The following FCHSD1 variants were observed in gnomAD, a reference collection of about 807,000 sequenced individuals.
FCHSD1 encodes the protein F-BAR and double SH3 domains protein 1.
Under a neutral mutation model 101.3 loss-of-function variants are expected in FCHSD1, and 109 were observed. That is an observed-to-expected ratio of 1.08 (90% CI 0.92 to 1.26). The LOEUF (loss-of-function observed/expected upper bound fraction) is 1.26, where lower values mean the gene tolerates loss of function less well. Among genes scored for constraint, FCHSD1 ranks in the 50% most tolerant of loss-of-function variants. The probability of loss-of-function intolerance (pLI) is 0.00; values close to 1 mark genes in which losing one functional copy is unlikely to be tolerated. For missense variants in FCHSD1, 820 were observed against 895.8 expected (o/e 0.92, Z 1.08); for synonymous variants, 291 against 356.8 (o/e 0.82, Z 2.08).
intron 17 of FCHSD1, 55 bp downstream of exon 17, chr5:141,644,163 G>T: frequency 4.7e-6 from 7 of 1,490,896 alleles, no homozygotes; most frequent in Non-Finnish European, 5.5e-6. Flanking sequence ...CTTTATTGGG[G>T]TGGGAGGGTC....
At position 141,640,932 on chromosome 5, in the gene FCHSD1, C is replaced by T. The variant is rs1478327775; in HGVS notation, c.*566G>A. On this transcript the variant is annotated 3_prime_UTR_variant, in exon 20 of 20. Transcript: ENST00000435817. The stretch of plus-strand genomic sequence containing the variant: ...TATGATAGAGCGTGGCAGCTGGGAG[C>T]AGGCCCCTGCCCGTGGTGGGCCCCT... 3.8e-6 allele frequency: 2 copies of T among 524,554 alleles called. No individual in the cohort carries two copies. The highest frequency in any genetic ancestry group is 3.5e-5 in the Admixed American group (1 of 28,864). 32.5% of individuals were successfully genotyped at this position (524,554 alleles called of 1,614,324 possible).
chr5:141,649,520 C>T lies in FCHSD1; in HGVS notation c.250G>A (p.Gly84Ser), dbSNP rs1339229196. 11 of 1,612,756 alleles carry T rather than the reference C, an allele frequency of 6.8e-6. No individual in the cohort carries two copies. Among genetic ancestry groups the T allele is most frequent in the South Asian group, 4.4e-5 (4 of 91,054 alleles). ...GCATCCAGCAGGCAGCGCCAGGCAC[C>T]GAACACTGTCCTGCCCCTCCCCAGA... Reference protein sequence around the residue: ...EMDSRGRTVFGAWRCLLDATV... With the variant: ...EMDSRGRTVFSAWRCLLDATV... Residue 84 changes from glycine to serine, a missense_variant, in exon 5 of 20, where the codon GGT becomes AGT. By Grantham distance (56) the Gly-to-Ser change is moderately conservative. Coordinates refer to ENST00000435817, the MANE Select transcript of FCHSD1 (RefSeq NM_033449.3). This position sits in a 1 kb window ranked among gnomAD's most constrained non-coding sequence, Gnocchi z 4.1.
At position 141,640,660 on chromosome 5, in the gene FCHSD1, T is replaced by C; in HGVS notation, c.*838A>G. The stretch of plus-strand genomic sequence containing the variant: ...CAGGAAGCAACAGTGTTATTCTTCC[T>C]CTTCTCCAAGTCTCCTTCATTGTGC... On this transcript the variant is annotated 3_prime_UTR_variant, in exon 20 of 20. Coordinates refer to ENST00000435817, the MANE Select transcript of FCHSD1 (RefSeq NM_033449.3). 2.0e-6 allele frequency: 3 copies of C among 1,536,416 alleles called. No individual in the cohort carries two copies. The highest frequency in any genetic ancestry group is 1.7e-6 in the Non-Finnish European group (2 of 1,146,532).
Position 141,651,083 on chromosome 5 carries a change from A to G in FCHSD1, c.56T>C (p.Leu19Pro). 1 of 1,597,108 alleles carries G rather than the reference A, an allele frequency of 6.3e-7. No individual in the cohort carries two copies. Among genetic ancestry groups the G allele is most frequent in the Non-Finnish European group, 8.5e-7 (1 of 1,171,534 alleles). ...KPAQEVKLRF[L>P]EQLSILQTWQ... ...GGTCTGAAGGATGCTCAGCTGTTCC[A>G]GGAAGCGAAGCTTCACCTCCTGGGC... Residue 19 changes from leucine to proline, a missense_variant, in exon 2 of 20, where the codon CTG becomes CCG. Transcript: ENST00000435817.
intron 12 of FCHSD1, 72 bp downstream of exon 12, chr5:141,646,015 T>A: frequency 6.5e-7 from 1 of 1,543,826 alleles, no homozygotes. Flanking sequence ...CCTCCCACCA[T>A]CAGAAAGAGG....
chr5:141,640,146 G>A lies in FCHSD1; in HGVS notation c.*1352C>T, dbSNP rs747731609. ...CCCAGTACAGAATGGAGGACTCAGG[G>A]ACAGCAGCCTAACCCCTCGTGCACT... On this transcript the variant is annotated 3_prime_UTR_variant, in exon 20 of 20. Transcript: ENST00000435817. 2.5e-5 allele frequency: 41 copies of A among 1,614,030 alleles called. No homozygotes were observed. The highest frequency in any genetic ancestry group is 3.2e-5 in the Non-Finnish European group (38 of 1,180,012).
chr5:141,640,513 T>C lies in FCHSD1; in HGVS notation c.*985A>G. ...ATCACCTACTTAAACTATTTAAGCC[T>C]TTCGGCTCCCTGAACCCCCCGAGTA... is the stretch of plus-strand genomic sequence containing the variant. On this transcript the variant is annotated 3_prime_UTR_variant, in exon 20 of 20. Transcript: ENST00000435817. 6.2e-7 allele frequency: 1 copy of C among 1,612,318 alleles called. No individual in the cohort carries two copies. Among genetic ancestry groups the C allele is most frequent in the Non-Finnish European group, 8.5e-7 (1 of 1,179,054 alleles).
At chr5:141,645,738 G>A in intron 13 of FCHSD1, 33 bp downstream of exon 13, 1 of 1,583,908 alleles carries the variant, frequency 6.3e-7, no homozygotes, top group Non-Finnish European at 8.6e-7. Flanking sequence ...TCCCTTCTAA[G>A]TAAGGATGGG....
In FCHSD1 at chr5:141,644,427, G is replaced by A. The variant is rs770729469; in HGVS notation, c.1654C>T (p.Gln552Ter). Residue 552 changes from glutamine to a stop codon, truncating the protein, a stop_gained, in exon 17 of 20, where the codon CAG (glutamine) becomes TAG (stop). Coordinates refer to ENST00000435817, the MANE Select transcript of FCHSD1 (RefSeq NM_033449.3). LOFTEE classifies it high-confidence loss of function. ...TGTCCGGTGTAGCTGTACAGGGCCT[G>A]TGCCAGGAATGCTACAGAGGCCCAG... ...CGAEPTAFLA[Q>*]ALYSYTGQSA... 1 of 1,613,784 alleles carries A rather than the reference G, an allele frequency of 6.2e-7. No homozygotes were observed. The highest frequency in any genetic ancestry group is 8.5e-7 in the Non-Finnish European group (1 of 1,179,800).
chr5:141,650,426 G>A (rs1204481757), intron 2 of FCHSD1, 22 bp from the exon 3 acceptor site: 2 of 1,613,892 alleles, frequency 1.2e-6, no homozygotes, highest in South Asian at 1.1e-5. Flanking sequence ...GCAGGTCGGG[G>A]GTGAGGTGGG....
chr5:141,648,835 C>T (rs1265868835), intron 7 of FCHSD1, 122 bp downstream of exon 7: 3 of 1,134,838 alleles, frequency 2.6e-6, no homozygotes, highest in Non-Finnish European at 3.9e-6. Context: ...AGGTTACCCA[C>T]CCAGGAAGTA....
rs763225898 is a variant in FCHSD1 at position 141,646,735 on chromosome 5, G to C, written c.925-13C>G. 6.2e-7 allele frequency: 1 copy of C among 1,610,528 alleles called. No individual in the cohort carries two copies. Among genetic ancestry groups the C allele is most frequent in the Non-Finnish European group, 8.5e-7 (1 of 1,179,164 alleles). On this transcript the variant is annotated splice_polypyrimidine_tract_variant and intron_variant, in intron 10 of 19. Transcript: ENST00000435817. ...CCAGGACACACACCTGAATGGGTCA[G>C]GGGGTGCTGTGAGGAGGACCTGAGG...
At position 141,649,051 on chromosome 5, in the gene FCHSD1, A is replaced by G. The variant is rs928747252; in HGVS notation, c.513-31T>C. 6.8e-6 allele frequency: 11 copies of G among 1,613,846 alleles called. No homozygotes were observed. The highest frequency in any genetic ancestry group is 9.3e-6 in the Non-Finnish European group (11 of 1,179,838). On this transcript the variant is annotated intron_variant, in intron 6 of 19. Transcript: ENST00000435817. The surrounding 1 kb of genome is among the most constrained non-coding windows in gnomAD (Gnocchi z 4.1). ...CAGATGAGAGAAAGGAGTCAGGCCC[A>G]CCCCAAGTGGGAGAATATGAGATCA...
rs1319077937 is a variant in FCHSD1, at chr5:141,647,501, G to A, written c.725C>T (p.Ser242Leu). 1 of 1,612,810 alleles carries A rather than the reference G, an allele frequency of 6.2e-7. No homozygotes were observed. The highest frequency in any genetic ancestry group is 8.5e-7 in the Non-Finnish European group (1 of 1,179,590). Residue 242 changes from serine to leucine, a missense_variant, in exon 9 of 20, where the codon TCA (serine) becomes TTA (leucine). Ser to Leu is a moderately radical substitution (Grantham distance 145). Transcript: ENST00000435817. ...ALLKALVSEL[S>L]EHLRDPLTSL... The stretch of plus-strand genomic sequence containing the variant: ...GGTCAGGGGGTCCCTCAAGTGCTCT[G>A]ACAGCTCACTGACCAGGGCCTAGAG...
Position 141,644,407 on chromosome 5 carries a change from G to C in FCHSD1, c.1674C>G (p.Thr558=). 6.2e-7 allele frequency: 1 copy of C among 1,613,832 alleles called. No individual in the cohort carries two copies. Among genetic ancestry groups the C allele is most frequent in the Non-Finnish European group, 8.5e-7 (1 of 1,179,830 alleles). ...AGCTCAGCTCCTCTGCACTCTGTCCGGTGTAGCTGTACAGGGCCTGTGCCA... is the reference window on the plus strand; with the variant it reads ...AGCTCAGCTCCTCTGCACTCTGTCCCGTGTAGCTGTACAGGGCCTGTGCCA... The part of the protein sequence containing the change: ...AFLAQALYSY[T]GQSAEELSFP... The change falls in exon 17 of 20, where the codon ACC becomes ACG. Residue 558 remains threonine, a synonymous_variant. Transcript: ENST00000435817.
chr5:141,640,910 GAT>G lies in FCHSD1; in HGVS notation c.*586_*587del. On this transcript the variant is annotated 3_prime_UTR_variant, in exon 20 of 20. Transcript: ENST00000435817. ...CCTTCCCCAACACCTCGCTCCATAT[GAT>G]AGAGCGTGGCAGCTGGGAGCAGGCC... is the stretch of plus-strand genomic sequence containing the variant. The G allele has an allele frequency of 1.8e-6, 1 of 553,626 alleles. No homozygotes were observed. The highest frequency in any genetic ancestry group is 3.2e-6 in the Non-Finnish European group (1 of 313,598). 34.3% of individuals were successfully genotyped at this position (553,626 alleles called of 1,614,324 possible).
rs371297507 is a variant in FCHSD1 at position 141,648,961 on chromosome 5, G to A, written c.572C>T (p.Thr191Ile). 1.1e-4 allele frequency: 182 copies of A among 1,613,788 alleles called. No homozygotes were observed. The highest frequency in any genetic ancestry group is 1.5e-4 in the Non-Finnish European group (180 of 1,179,884). Residue 191 changes from threonine (T) to isoleucine (I), a missense_variant, in exon 7 of 20, where the codon ACC becomes ATC. Coordinates refer to ENST00000435817, the MANE Select transcript of FCHSD1 (RefSeq NM_033449.3). The stretch of plus-strand genomic sequence containing the variant: ...TCATGCCCTCATCCCTCGAACCTTG[G>A]TGCTCAGTTTCTGGAGACTGGTCCG... The part of the protein sequence containing the change: ...HSRTSLQKLS[T>I]KLSAQSAQYS...
At chr5:141,647,626 GAGA>G (rs1193261838) in intron 8 of FCHSD1, 106 bp from the exon 9 acceptor site, 25 of 1,527,280 alleles carry the variant, frequency 1.6e-5, no homozygotes, top group East Asian at 6.9e-5. Context: ...ATAGGAAGGA[GAGA>G]AGAAGACATT....
At position 141,649,433 on chromosome 5, in the gene FCHSD1, C is replaced by T; in HGVS notation, c.337G>A (p.Gly113Ser). The change falls in exon 5 of 20, where the codon GGT becomes AGT. Residue 113 changes from glycine to serine, a missense_variant. By Grantham distance (56) the Gly-to-Ser change is moderately conservative. Coordinates refer to ENST00000435817, the MANE Select transcript of FCHSD1 (RefSeq NM_033449.3). This position sits in a 1 kb window ranked among gnomAD's most constrained non-coding sequence, Gnocchi z 4.1. ...TGCTCCTTGGCGCTCCGCCCTGTAC[C>T]CCCTGCTAGGTCACGGTATCGGTCA... ...ASDRYRDLAG[G>S]TGRSAKEQVL... The T allele has an allele frequency of 7.4e-6, 12 of 1,614,028 alleles. No homozygotes were observed. The highest frequency in any genetic ancestry group is 9.3e-6 in the Non-Finnish European group (11 of 1,179,886).
Sources: gnomAD v4.1 joint callset for allele counts on GRCh38, gnomAD v4.1.1 for gene constraint, Gnocchi (gnomAD v3.1) non-coding constraint, MANE v1.5 for transcripts, NCBI Gene and HGNC (gene_info 2026-07-23, HGNC 2026-07-21) for gene names.